GCNT4: variants seen among roughly 807,000 people sequenced by gnomAD.
The protein encoded by GCNT4 is glucosaminyl (N-acetyl) transferase 4.
GCNT4 carries 17 observed loss-of-function variants against 31.3 expected under a neutral mutation model. That is an observed-to-expected ratio of 0.54 (90% confidence interval 0.37 to 0.81). The LOEUF is 0.81. GCNT4 is among the 40% of genes least tolerant of loss of function. The probability of loss-of-function intolerance (pLI) is 0.00; values close to 1 mark genes in which losing one functional copy is unlikely to be tolerated. For missense variants in GCNT4, 503 were observed against 525.5 expected (o/e 0.96, Z 0.42); for synonymous variants, 158 against 190.6 (o/e 0.83, Z 1.41).
intron 3 of GCNT4, among the ~76,000 whole-genome samples, chr5:75,036,518 T>C (rs965393656): frequency 2.0e-5 from 3 of 152,236 alleles, no homozygotes; most frequent in Admixed American, 2.0e-4. Context: ...AAATTCTCCA[T>C]ATTTCCCGCA....
intron 2 of GCNT4, among the ~76,000 whole-genome samples, chr5:75,050,853 C>A (rs887827013): frequency 3.3e-5 from 5 of 152,246 alleles, no homozygotes; most frequent in Non-Finnish European, 7.3e-5. Context: ...AGGCCTCCTG[C>A]ACCCTCTGAC....
rs1484172031 is a variant in GCNT4 at position 75,027,429 on chromosome 5, A to G, written c.*1247T>C. 7.0e-6 allele frequency: 1 copy of G among 142,288 alleles called. No individual in the cohort carries two copies. Among genetic ancestry groups the G allele is most frequent in the Non-Finnish European group, 1.5e-5 (1 of 65,742 alleles). The allele number at this position is 142,288 out of a possible 1,614,324, so 8.8% of individuals were successfully genotyped here. ...TATAACATAAATATATATTACATAT[A>G]TATAAAATATATATTATATATATAT... On this transcript the variant is annotated 3_prime_UTR_variant, in exon 4 of 4. Coordinates refer to ENST00000652361, the MANE Select transcript of GCNT4 (RefSeq NM_001366737.1).
intron 3 of GCNT4, among the ~76,000 whole-genome samples, chr5:75,045,218 A>G (rs1053147156): frequency 1.2e-4 from 19 of 152,328 alleles, no homozygotes; most frequent in African/African-American, 4.6e-4. Flanking sequence ...TGCAACCATC[A>G]CCACAATCCA....
At chr5:75,038,596 T>C (rs1239576582) in intron 3 of GCNT4, among the ~76,000 whole-genome samples, 7 of 152,220 alleles carry the variant, frequency 4.6e-5, no homozygotes, top group Non-Finnish European at 8.8e-5. Context: ...GGCTGCCCTC[T>C]GCTTCCAAGA....
chr5:75,053,008 G>T (rs112592638), upstream of GCNT4, among the ~76,000 whole-genome samples: 197 of 152,062 alleles, frequency 1.3e-3, 3 homozygotes, highest in East Asian at 0.032. Context: ...GCCCGGCGCC[G>T]GCGCGCTCGC....
chr5:75,027,262 T>C lies in GCNT4; in HGVS notation c.*1414A>G, dbSNP rs1437565278. ...GAACAATTCCATTATATATATAATA[T>C]ATATTCATTATATGTTATATAATAT... On this transcript the variant is annotated 3_prime_UTR_variant, in exon 4 of 4. Transcript: ENST00000652361. 2.1e-5 allele frequency: 3 copies of C among 142,248 alleles called. No homozygotes were observed. The highest frequency in any genetic ancestry group is 5.1e-5 in the African/African-American group (2 of 38,948). 8.8% of individuals were successfully genotyped at this position (142,248 alleles called of 1,614,324 possible).
intron 3 of GCNT4, among the ~76,000 whole-genome samples, chr5:75,034,801 G>C (rs1580238869): frequency 6.6e-6 from 1 of 152,230 alleles, no homozygotes; most frequent in East Asian, 1.9e-4. Context: ...AGTCCCAATA[G>C]GGATGTTGAA....
chr5:75,045,544 G>A (rs1325881669), intron 3 of GCNT4, among the ~76,000 whole-genome samples: 4 of 152,156 alleles, frequency 2.6e-5, no homozygotes, highest in African/African-American at 9.7e-5. Context: ...GTAGATATTT[G>A]CTTTGCTTCC....
the GCNT4 span, among the ~76,000 whole-genome samples, chr5:75,018,243 G>A: frequency 2.0e-5 from 3 of 152,112 alleles, no homozygotes; most frequent in African/African-American, 2.4e-5. Context: ...TGTTGTGCCT[G>A]CTGTGAGTCA....
intron 2 of GCNT4, among the ~76,000 whole-genome samples, chr5:75,050,300 G>A (rs1324101884): frequency 6.6e-6 from 1 of 152,202 alleles, no homozygotes; most frequent in Non-Finnish European, 1.5e-5. Context: ...CATTACATGA[G>A]CTTGATATCA....
rs1742948145 is a variant in GCNT4 at position 75,026,565 on chromosome 5, A to AG, written c.*2110dup. The AG allele has an allele frequency of 1.3e-5, 2 of 148,948 alleles. No individual in the cohort carries two copies. The highest frequency in any genetic ancestry group is 1.4e-4 in the Admixed American group (2 of 14,690). 9.2% of individuals were successfully genotyped at this position (148,948 alleles called of 1,614,324 possible). On this transcript the variant is annotated 3_prime_UTR_variant, in exon 4 of 4. Transcript: ENST00000652361. The stretch of plus-strand genomic sequence containing the variant: ...GTTGGACCTTTGCCTATACTACTAC[A>AG]GGTATCACTCTCTGACATTGAAATG...
In GCNT4 at chr5:75,027,331, ATATACAATATATG is replaced by A. The variant is rs1742968354; in HGVS notation, c.*1332_*1344del. ...TTATATGTATATATAATATATATTC[ATATACAATATATG>A]TATATATAATATATATATTTATATA... is the stretch of plus-strand genomic sequence containing the variant. On this transcript the variant is annotated 3_prime_UTR_variant, in exon 4 of 4. Coordinates refer to ENST00000652361, the MANE Select transcript of GCNT4 (RefSeq NM_001366737.1). 2 of 41,668 alleles carry A rather than the reference ATATACAATATATG, an allele frequency of 4.8e-5. No homozygotes were observed. The highest frequency in any genetic ancestry group is 7.1e-5 in the Non-Finnish European group (2 of 27,996). The allele number at this position is 41,668 out of a possible 1,614,324, so 2.6% of individuals were successfully genotyped here.
chr5:75,032,872 G>GGTGGGTAT, intron 3 of GCNT4, among the ~76,000 whole-genome samples: 1 of 130,760 alleles, frequency 7.6e-6, no homozygotes, highest in South Asian at 2.6e-4. Flanking sequence ...CCCAAATAGG[G>GGTGGGTAT]GTGTGTGTGT....
rs114067014 is a variant in GCNT4 at position 75,036,400 on chromosome 5, G to A, written c.-1-6362C>T. 4.3e-3 allele frequency among the ~76,000 whole-genome samples: 658 copies of A among 152,286 alleles called. 2 individuals are homozygous for A. Among genetic ancestry groups the A allele is most frequent in the African/African-American group, 0.013 (526 of 41,558 alleles). On this transcript the variant is annotated intron_variant, in intron 3 of 3. Coordinates refer to ENST00000652361, the MANE Select transcript of GCNT4 (RefSeq NM_001366737.1). ...TAAGACAACTAAATAAATGCCCAAG[G>A]TTACAGTTCTAGAAAGTGCTTTAAA...
At position 75,028,867 on chromosome 5, in the gene GCNT4, A is replaced by C; in HGVS notation, c.1171T>G (p.Cys391Gly). The change falls in exon 4 of 4, where the codon TGT (cysteine) becomes GGT (glycine). Residue 391 changes from cysteine to glycine, a missense_variant. Transcript: ENST00000652361. ...CTTAATTCTGCAGCTCCATAAATAC[A>C]CACGCTTCGAAGGTGAGATCCAGTA... ...SCTGSHLRSV[C>G]IYGAAELRWL... 6.2e-7 allele frequency: 1 copy of C among 1,614,084 alleles called. No individual in the cohort carries two copies.
chr5:75,053,966 T>C (rs1352740547), upstream of GCNT4, among the ~76,000 whole-genome samples: 2 of 152,008 alleles, frequency 1.3e-5, no homozygotes, highest in African/African-American at 2.4e-5. Context: ...GCTCCTTTTT[T>C]CTCCTTGAAC....
rs536455439 is a variant in GCNT4, at chr5:75,048,599, A to G, written c.-142-562T>C. ...TGCTCCTGGACAGCATGCGAACCACAAAGCTGCAGAATGCGAAAGCTGAAT... is the reference window on the plus strand; with the variant it reads ...TGCTCCTGGACAGCATGCGAACCACGAAGCTGCAGAATGCGAAAGCTGAAT... On this transcript the variant is annotated intron_variant, in intron 2 of 3. Transcript: ENST00000652361. Among the ~76,000 whole-genome samples, 255 of 152,360 alleles carry G rather than the reference A, an allele frequency of 1.7e-3. 6 individuals carry two copies. In the South Asian group the frequency reaches 0.05, roughly 30 times the overall value.
At chr5:75,032,479 T>C (rs1409667887) in intron 3 of GCNT4, among the ~76,000 whole-genome samples, 1 of 152,176 alleles carries the variant, frequency 6.6e-6, no homozygotes, top group Admixed American at 6.5e-5. Flanking sequence ...TGTTTGAAAC[T>C]AGAGTTACCC....
intron 2 of GCNT4, among the ~76,000 whole-genome samples, chr5:75,048,649 T>A (rs901094357): frequency 6.6e-6 from 1 of 152,206 alleles, no homozygotes; most frequent in Non-Finnish European, 1.5e-5. Context: ...CTTGTTTCTA[T>A]GAATAGTACC....
Sources: allele counts gnomAD v4.1 joint callset (sites outside exome capture counted in the v4.1 genomes callset), GRCh38; gene constraint gnomAD v4.1.1; transcripts MANE v1.5; gene names NCBI Gene and HGNC (gene_info 2026-07-23, HGNC 2026-07-21).